CPED1: variants seen among roughly 807,000 people sequenced by gnomAD.
The protein encoded by CPED1 is cadherin like and PC-esterase domain containing 1.
CPED1 carries 114 observed loss-of-function variants against 128.2 expected under a neutral mutation model. The ratio of observed to expected loss-of-function variants is 0.89; its 90% CI spans 0.76 to 1.04. The LOEUF (loss-of-function observed/expected upper bound fraction) is 1.04. Ranked by LOEUF, CPED1 falls within the 50% of genes least tolerant of loss-of-function variation. The probability of loss-of-function intolerance (pLI) is 0.00; values close to 1 mark genes in which losing one functional copy is unlikely to be tolerated. For missense variants in CPED1, 1,211 were observed against 1,207.1 expected, an observed-to-expected ratio of 1.00 and a Z score of -0.05; for synonymous variants, 462 against 426.7, an observed-to-expected ratio of 1.08 and a Z score of -1.02.
At chr7:121,031,040 A>C (rs1792716336) in intron 3 of CPED1, among the ~76,000 whole-genome samples, 2 of 152,244 alleles carry the variant, frequency 1.3e-5, no homozygotes, top group Non-Finnish European at 2.9e-5. Flanking sequence ...GTTTATCATC[A>C]AACCTGAGCT....
intron 2 of CPED1, among the ~76,000 whole-genome samples, chr7:120,990,548 C>T (rs902717934): frequency 2.6e-5 from 4 of 151,632 alleles, no homozygotes; most frequent in African/African-American, 9.7e-5. Context: ...CACAAAGTAA[C>T]ACAGGATTTC....
At chr7:121,278,047 C>G (rs1792365095) in intron 22 of CPED1, among the ~76,000 whole-genome samples, 3 of 152,090 alleles carry the variant, frequency 2.0e-5, no homozygotes, top group Middle Eastern at 6.8e-3. Flanking sequence ...CCTTTCTGAT[C>G]ATCTTAAGAG....
In CPED1 at chr7:121,271,285, G is replaced by T. The variant is rs767990682; in HGVS notation, c.2723G>T (p.Ser908Ile). The T allele has an allele frequency of 2.5e-6, 4 of 1,607,658 alleles. No homozygotes were observed. Among genetic ancestry groups the T allele is most frequent in the Admixed American group, 1.7e-5 (1 of 59,584 alleles). ...CTCATTCTTCTGCTTTCCAATCAGA[G>T]TGAAGTACAGAACTTATGGAAAGAA... The part of the protein sequence containing the change: ...PVDGVHFLTQ[S>I]EVQNLWKENL... Residue 908 changes from serine to isoleucine, a missense_variant and splice_region_variant, in exon 22 of 23, where the codon AGT (serine) becomes ATT (isoleucine). Coordinates refer to ENST00000310396, the MANE Select transcript of CPED1 (RefSeq NM_024913.5).
rs565781504 is a variant in CPED1 at position 121,129,157 on chromosome 7, A to G, written c.1407+671A>G. On this transcript the variant is annotated intron_variant, in intron 11 of 22. Transcript: ENST00000310396. ...GACTGAAATGAATTTGTATTTTTCC[A>G]CCTAAGATTTGTTCATATGAAATAT... is the stretch of plus-strand genomic sequence containing the variant. Among the ~76,000 whole-genome samples the G allele has an allele frequency of 1.1e-3, 164 of 151,124 alleles. 2 individuals carry two copies. The highest frequency in any genetic ancestry group is 7.1e-3 in the Middle Eastern group (2 of 280).
chr7:121,094,055 C>A lies in CPED1; in HGVS notation c.617-3644C>A, dbSNP rs569303930. Among the ~76,000 whole-genome samples, 5 of 152,248 alleles carry A rather than the reference C, an allele frequency of 3.3e-5. No homozygotes were observed. The East Asian group carries it at 9.6e-4, about 29-fold the overall frequency. On this transcript the variant is annotated intron_variant, in intron 5 of 22. Coordinates refer to ENST00000310396, the MANE Select transcript of CPED1 (RefSeq NM_024913.5). ...AAGTTCTGATGTTATATTTGCAGAG[C>A]TGTTATACCTGTAGGCTAAGTTCTA...
intron 3 of CPED1, among the ~76,000 whole-genome samples, chr7:121,038,972 G>A (rs1585033146): frequency 6.6e-6 from 1 of 152,026 alleles, no homozygotes; most frequent in East Asian, 1.9e-4. Context: ...TCTGACTGAG[G>A]TAATGTTTGC....
intron 5 of CPED1, among the ~76,000 whole-genome samples, chr7:121,097,285 T>C (rs908276595): frequency 2.6e-5 from 4 of 152,264 alleles, no homozygotes; most frequent in Non-Finnish European, 4.4e-5. Context: ...TATATCAGCA[T>C]TGTATTGTCA....
At chr7:121,222,886 A>G (rs969335518) in intron 16 of CPED1, among the ~76,000 whole-genome samples, 1 of 152,188 alleles carries the variant, frequency 6.6e-6, no homozygotes, top group African/African-American at 2.4e-5. Flanking sequence ...TAAACATACA[A>G]TCATGTCATC....
chr7:121,080,330 C>A (rs1403360939), intron 5 of CPED1, among the ~76,000 whole-genome samples: 1 of 152,168 alleles, frequency 6.6e-6, no homozygotes, highest in Non-Finnish European at 1.5e-5. Flanking sequence ...TCAACTAATA[C>A]ATCGCCCAGT....
intron 5 of CPED1, among the ~76,000 whole-genome samples, chr7:121,080,793 T>C (rs1794273155): frequency 6.6e-6 from 1 of 152,106 alleles, no homozygotes; most frequent in Non-Finnish European, 1.5e-5. Context: ...GGGGATATAC[T>C]GTTTTGAACT....
chr7:121,036,507 A>ATATTTT (rs1449540146), intron 3 of CPED1, among the ~76,000 whole-genome samples: 1 of 133,920 alleles, frequency 7.5e-6, no homozygotes, highest in African/African-American at 3.0e-5. Flanking sequence ...ATATATATAT[A>ATATTTT]TTTTTTTTTT....
At position 121,265,519 on chromosome 7, in the gene CPED1, T is replaced by G. The variant is rs147089018; in HGVS notation, c.2311-708T>G. 4.4e-3 allele frequency among the ~76,000 whole-genome samples: 664 copies of G among 152,206 alleles called. 4 individuals are homozygous for G. Among genetic ancestry groups the G allele is most frequent in the African/African-American group, 0.015 (623 of 41,558 alleles). The stretch of plus-strand genomic sequence containing the variant: ...AAAGTTTTTGAGCACACAAATGAGA[T>G]AGCCAGAACTAGACATTTGGAAATT... On this transcript the variant is annotated intron_variant, in intron 18 of 22. Coordinates refer to ENST00000310396, the MANE Select transcript of CPED1 (RefSeq NM_024913.5).
intron 3 of CPED1, among the ~76,000 whole-genome samples, chr7:121,024,724 A>G (rs1009326878): frequency 2.0e-5 from 3 of 152,164 alleles, no homozygotes; most frequent in Non-Finnish European, 4.4e-5. Context: ...TTTGAAAAGA[A>G]ATTAGACATT....
At chr7:121,144,557 A>T (rs1292222231) in intron 16 of CPED1, among the ~76,000 whole-genome samples, 1 of 151,966 alleles carries the variant, frequency 6.6e-6, no homozygotes, top group Non-Finnish European at 1.5e-5. Context: ...TGGGATGAAG[A>T]GTGGTTGTTA....
intron 3 of CPED1, among the ~76,000 whole-genome samples, chr7:121,034,383 G>A (rs1792829791): frequency 6.6e-6 from 1 of 151,604 alleles, no homozygotes; most frequent in Admixed American, 6.6e-5. Context: ...GAGTAGCTGG[G>A]ATTACAGGCA....
At position 121,043,754 on chromosome 7, in the gene CPED1, C is replaced by T. The variant is rs535930549; in HGVS notation, c.434-3133C>T. 2.6e-5 allele frequency among the ~76,000 whole-genome samples: 4 copies of T among 152,298 alleles called. No individual in the cohort carries two copies. The South Asian group carries it at 8.3e-4, about 32-fold the overall frequency. ...GGATATGGACCCAGTGTTACCAGAG[C>T]TTCCAAGTTTTCAAATAAAGGCTGA... On this transcript the variant is annotated intron_variant, in intron 3 of 22. Coordinates refer to ENST00000310396, the MANE Select transcript of CPED1 (RefSeq NM_024913.5).
Position 121,236,350 on chromosome 7 carries a change from A to G in CPED1, c.2056-364A>G, listed in dbSNP as rs116801760. Among the ~76,000 whole-genome samples, 886 of 152,214 alleles carry G rather than the reference A, an allele frequency of 5.8e-3. 7 individuals carry two copies. The highest frequency in any genetic ancestry group is 0.02 in the African/African-American group (815 of 41,548). On this transcript the variant is annotated intron_variant, in intron 16 of 22. Transcript: ENST00000310396. Reference sequence around the variant, plus strand: ...AAATGAAATTCATCTGTTAAATTAAATTCTCTCCAAATAGTTCCCATTTCC... The same window carrying G: ...AAATGAAATTCATCTGTTAAATTAAGTTCTCTCCAAATAGTTCCCATTTCC...
At chr7:121,053,583 G>A (rs77102906) in intron 4 of CPED1, among the ~76,000 whole-genome samples, 1,636 of 152,208 alleles carry the variant, frequency 0.011, 32 homozygotes, top group African/African-American at 0.038. Flanking sequence ...TAAGCATCTT[G>A]GGAGATAATA....
chr7:121,114,678 T>C (rs919076641), intron 7 of CPED1, among the ~76,000 whole-genome samples: 4 of 152,240 alleles, frequency 2.6e-5, no homozygotes, highest in Admixed American at 2.6e-4. Context: ...GTAAAGTTTC[T>C]GTAAGTTAGA....
Sources: gnomAD v4.1 joint callset for allele counts (sites outside exome capture counted in the v4.1 genomes callset) on GRCh38, gnomAD v4.1.1 for gene constraint, MANE v1.5 for transcripts, NCBI Gene and HGNC (gene_info 2026-07-23, HGNC 2026-07-21) for gene names.